The following SGCD variants were observed in gnomAD, a reference collection of about 807,000 sequenced individuals.
The protein encoded by SGCD is delta-sarcoglycan.
SGCD carries 18 observed loss-of-function variants against 36.6 expected under a neutral mutation model. The ratio of observed to expected loss-of-function variants is 0.49; its 90% CI spans 0.34 to 0.73. The LOEUF (loss-of-function observed/expected upper bound fraction) is 0.73. SGCD is among the 30% of genes least tolerant of loss of function. The pLI is 0.01. For missense variants in SGCD, 387 were observed against 346.7 expected (o/e 1.12, Z -0.92); for synonymous variants, 133 against 130.6 (o/e 1.02, Z -0.12).
intron 1 of SGCD, among the ~76,000 whole-genome samples, chr5:155,957,267 G>T (rs1447060629): frequency 6.6e-6 from 1 of 152,056 alleles, no homozygotes; most frequent in African/African-American, 2.4e-5. Flanking sequence ...TGCTGAGGCT[G>T]CTGGGAGCCT....
chr5:156,121,085 A>G (rs916986359), intron 2 of SGCD, among the ~76,000 whole-genome samples: 1 of 152,156 alleles, frequency 6.6e-6, no homozygotes, highest in African/African-American at 2.4e-5. Flanking sequence ...CTGATCCTGG[A>G]GATGGTCCAG....
intron 1 of SGCD, among the ~76,000 whole-genome samples, chr5:156,049,422 G>A (rs1216918527): frequency 6.9e-6 from 1 of 145,584 alleles, no homozygotes; most frequent in East Asian, 1.9e-4. Context: ...GGGCAGTATG[G>A]CCATTTTCAC....
At chr5:155,935,087 T>A (rs997058869) in intron 1 of SGCD, among the ~76,000 whole-genome samples, 1 of 152,218 alleles carries the variant, frequency 6.6e-6, no homozygotes, top group Admixed American at 6.5e-5. Flanking sequence ...TGACCCTAAG[T>A]CCCTAGTGAT....
intron 4 of SGCD, among the ~76,000 whole-genome samples, chr5:156,509,779 T>C (rs2127877475): frequency 6.6e-6 from 1 of 152,362 alleles, no homozygotes; most frequent in Middle Eastern, 3.4e-3. Context: ...ACCACTGTTA[T>C]TCCAAGTTGT....
intron 3 of SGCD, among the ~76,000 whole-genome samples, chr5:156,164,570 A>G (rs941276539): frequency 2.6e-5 from 4 of 152,240 alleles, no homozygotes; most frequent in African/African-American, 9.6e-5. Flanking sequence ...AGAATGACAG[A>G]CATGGAAATG....
intron 3 of SGCD, among the ~76,000 whole-genome samples, chr5:156,291,932 A>C (rs997856872): frequency 6.6e-6 from 1 of 152,114 alleles, no homozygotes. Context: ...TGATTTGTAC[A>C]ATAGATCTTT....
At chr5:156,393,076 T>C (rs1300398456) in intron 3 of SGCD, among the ~76,000 whole-genome samples, 3 of 152,158 alleles carry the variant, frequency 2.0e-5, no homozygotes, top group African/African-American at 7.2e-5. Flanking sequence ...TGCCCTCCTC[T>C]ACCCAGCACT....
Position 155,976,665 on chromosome 5 carries a change from C to T in SGCD, c.-282+106241C>T, listed in dbSNP as rs973088469. ...GTTTGGAATTTGTTCCCTTTGTTCACTTAGTTCCGTTTGTTCCTCCTCCTC... is the reference window on the plus strand; with the variant it reads ...GTTTGGAATTTGTTCCCTTTGTTCATTTAGTTCCGTTTGTTCCTCCTCCTC... On this transcript the variant is annotated intron_variant, in intron 1 of 9. Coordinates refer to the SGCD transcript ENST00000517913. Among the ~76,000 whole-genome samples the T allele has an allele frequency of 2.8e-4, 43 of 152,134 alleles. 1 individual carries two copies. Among genetic ancestry groups the T allele is most frequent in the Middle Eastern group, 3.2e-3 (1 of 316 alleles).
chr5:156,186,326 C>T (rs1331232569), intron 3 of SGCD, among the ~76,000 whole-genome samples: 2 of 152,076 alleles, frequency 1.3e-5, no homozygotes, highest in African/African-American at 4.8e-5. Flanking sequence ...TGGTTGTAAT[C>T]TATGTTGATA....
chr5:156,044,921 A>T (rs2127579247), intron 1 of SGCD, among the ~76,000 whole-genome samples: 1 of 152,246 alleles, frequency 6.6e-6, no homozygotes, highest in South Asian at 2.1e-4. Flanking sequence ...TTCTGCTACT[A>T]TAACAGAATA....
chr5:156,577,327 G>A (rs1379766747), intron 4 of SGCD, among the ~76,000 whole-genome samples: 1 of 152,032 alleles, frequency 6.6e-6, no homozygotes, highest in Non-Finnish European at 1.5e-5. Flanking sequence ...GTAGCCTTGT[G>A]GAATGGTTTG....
At chr5:156,464,215 TA>T (rs1197676272) in intron 3 of SGCD, among the ~76,000 whole-genome samples, 32 of 122,894 alleles carry the variant, frequency 2.6e-4, no homozygotes, top group African/African-American at 1.0e-3. Flanking sequence ...TGAATCTACA[TA>T]TTTTTTTTTT....
chr5:156,731,088 G>A (rs952212474), intron 7 of SGCD, among the ~76,000 whole-genome samples: 3 of 151,658 alleles, frequency 2.0e-5, no homozygotes, highest in African/African-American at 7.3e-5. Context: ...TACTTTTAAC[G>A]AGGTTTTTTT....
intron 3 of SGCD, among the ~76,000 whole-genome samples, chr5:156,249,992 C>G (rs1279987646): frequency 6.6e-6 from 1 of 152,072 alleles, no homozygotes; most frequent in Non-Finnish European, 1.5e-5. Context: ...CTATATGTGT[C>G]CATAGATTTT....
chr5:156,235,298 C>T (rs1765127384), intron 3 of SGCD, among the ~76,000 whole-genome samples: 1 of 152,132 alleles, frequency 6.6e-6, no homozygotes, highest in Non-Finnish European at 1.5e-5. Flanking sequence ...GGCAGAAAAT[C>T]AATTCTGTTG....
chr5:156,700,356 T>C (rs1754480544), intron 7 of SGCD, among the ~76,000 whole-genome samples: 1 of 152,196 alleles, frequency 6.6e-6, no homozygotes, highest in Non-Finnish European at 1.5e-5. Flanking sequence ...CTTCTCTTCT[T>C]GGTAGCTTTG....
intron 3 of SGCD, among the ~76,000 whole-genome samples, chr5:156,126,610 T>G (rs1402292914): frequency 6.6e-6 from 1 of 152,148 alleles, no homozygotes; most frequent in African/African-American, 2.4e-5. Flanking sequence ...AAGAAGGAAA[T>G]GAGGCAGTGT....
At chr5:155,957,656 A>T (rs1391822900) in intron 1 of SGCD, among the ~76,000 whole-genome samples, 1 of 152,064 alleles carries the variant, frequency 6.6e-6, no homozygotes, top group Non-Finnish European at 1.5e-5. Flanking sequence ...TATCACTCTG[A>T]CCTGACCCTT....
At chr5:156,387,256 C>A (rs890409336) in intron 3 of SGCD, among the ~76,000 whole-genome samples, 2 of 152,116 alleles carry the variant, frequency 1.3e-5, no homozygotes. Context: ...TAAGTGTAAT[C>A]AATGTGTGGT....
Sources: allele counts gnomAD v4.1 joint callset (sites outside exome capture counted in the v4.1 genomes callset), GRCh38; gene constraint gnomAD v4.1.1; transcripts MANE v1.5; gene names NCBI Gene and HGNC (gene_info 2026-07-23, HGNC 2026-07-21).